The following NOVA1 variants were observed in gnomAD, a reference collection of about 807,000 sequenced individuals.
NOVA1 encodes the protein RNA-binding protein Nova-1.
In NOVA1, 7 loss-of-function variants were observed where a neutral mutation model predicts 38.0. That is an observed-to-expected ratio of 0.18 (90% CI 0.10 to 0.35). NOVA1 has a LOEUF of 0.35. Ranked by LOEUF, NOVA1 falls within the 10% of genes least tolerant of loss-of-function variation. The pLI, the probability that NOVA1 is intolerant of heterozygous loss-of-function variation, is 1.00. For synonymous variants in NOVA1, 270 were observed against 232.5 expected (o/e 1.16, Z -1.47); for missense variants, 460 against 616.0 (o/e 0.75, Z 2.68).
At position 26,445,416 on chromosome 14, in the gene NOVA1, A is replaced by C. The variant is rs1881993925; in HGVS notation, c.*2543T>G. 6.6e-6 allele frequency: 1 copy of C among 152,216 alleles called. No homozygotes were observed. The highest frequency in any genetic ancestry group is 2.4e-5 in the African/African-American group (1 of 41,456). 9.4% of individuals were successfully genotyped at this position (152,216 alleles called of 1,614,324 possible). A position where few individuals can be genotyped will look rare whatever the true frequency, so the allele number is the denominator to read the frequency against. ...CTGTCACCATAAATTAAAATGTAAT[A>C]TCTTCAATTTAGCTTTCAGTTTTAA... On this transcript the variant is annotated 3_prime_UTR_variant, in exon 5 of 5. Coordinates refer to ENST00000539517, the MANE Select transcript of NOVA1 (RefSeq NM_002515.3).
intron 2 of NOVA1, among the ~76,000 whole-genome samples, chr14:26,510,439 T>A (rs1225439633): frequency 6.6e-6 from 1 of 152,030 alleles, no homozygotes; most frequent in Non-Finnish European, 1.5e-5. Flanking sequence ...ACAACATGCA[T>A]AAAATAAAAG....
chr14:26,576,727 T>C (rs1892870335), intron 2 of NOVA1, among the ~76,000 whole-genome samples: 1 of 151,704 alleles, frequency 6.6e-6, no homozygotes, highest in Admixed American at 6.6e-5. Flanking sequence ...CAGAACTTTC[T>C]TACTCCTCTT....
intron 1 of NOVA1, chr14:26,597,052 T>C (rs1894238045): frequency 1.6e-6 from 2 of 1,226,018 alleles, no homozygotes; most frequent in Non-Finnish European, 2.0e-6. Context: ...GATAGGTCTA[T>C]TCCGAAAAAC....
rs551648128 is a variant in NOVA1 at position 26,444,480 on chromosome 14, T to A, written c.*3479A>T. On this transcript the variant is annotated 3_prime_UTR_variant, in exon 5 of 5. Transcript: ENST00000539517. ...AGGCTTGTGCATGGTGGTGTGGCAATATCATTTTAAAAGTTTGTTACAGAT... is the reference window on the plus strand; with the variant it reads ...AGGCTTGTGCATGGTGGTGTGGCAAAATCATTTTAAAAGTTTGTTACAGAT... 1.3e-5 allele frequency: 2 copies of A among 152,230 alleles called. No individual in the cohort carries two copies. The highest frequency in any genetic ancestry group is 2.4e-5 in the African/African-American group (1 of 41,544). The allele number at this position is 152,230 out of a possible 1,614,324, so 9.4% of individuals were successfully genotyped here. A position where few individuals can be genotyped will look rare whatever the true frequency, so the allele number is the denominator to read the frequency against.
intron 2 of NOVA1, among the ~76,000 whole-genome samples, chr14:26,570,304 G>A (rs1259799057): frequency 1.3e-5 from 2 of 151,948 alleles, no homozygotes; most frequent in South Asian, 2.1e-4. Context: ...CCATGATCGC[G>A]CCACTGCACT....
At chr14:26,516,906 C>CCTT (rs562773072) in intron 2 of NOVA1, among the ~76,000 whole-genome samples, 1 of 135,618 alleles carries the variant, frequency 7.4e-6, no homozygotes, top group Non-Finnish European at 1.5e-5. Flanking sequence ...GACTTTGCCT[C>CCTT]TTTTTTTTTT....
At chr14:26,453,538 TG>T (rs1042147621) in intron 4 of NOVA1, among the ~76,000 whole-genome samples, 1 of 152,154 alleles carries the variant, frequency 6.6e-6, no homozygotes, top group African/African-American at 2.4e-5. Flanking sequence ...TTTCTCTATT[TG>T]CAATCACAAA....
chr14:26,583,465 A>T (rs1893338236), intron 2 of NOVA1, among the ~76,000 whole-genome samples: 1 of 151,560 alleles, frequency 6.6e-6, no homozygotes, highest in South Asian at 2.1e-4. Flanking sequence ...ATAGCACTTA[A>T]ATAAAGATTA....
chr14:26,543,135 A>C (rs1890573947), intron 2 of NOVA1, among the ~76,000 whole-genome samples: 3 of 152,034 alleles, frequency 2.0e-5, no homozygotes, highest in African/African-American at 7.2e-5. Context: ...TGAATGCATC[A>C]AAATTTCACA....
At chr14:26,574,563 C>T (rs75762116) in intron 2 of NOVA1, among the ~76,000 whole-genome samples, 5,264 of 151,850 alleles carry the variant, frequency 0.035, 298 homozygotes, top group African/African-American at 0.12. Context: ...TTTAGGTTTC[C>T]GCTTTAAATA....
intron 2 of NOVA1, among the ~76,000 whole-genome samples, chr14:26,488,355 T>G (rs1433331408): frequency 2.0e-5 from 3 of 152,322 alleles, no homozygotes; most frequent in Admixed American, 2.0e-4. Context: ...GCAAAGTAGA[T>G]GTTGTCCAGC....
intron 2 of NOVA1, among the ~76,000 whole-genome samples, chr14:26,571,357 C>A (rs891180909): frequency 6.6e-6 from 1 of 152,014 alleles, no homozygotes; most frequent in Middle Eastern, 3.2e-3. Context: ...AGAGTACTCA[C>A]GAGAAGATAC....
intron 4 of NOVA1, among the ~76,000 whole-genome samples, chr14:26,468,845 A>G (rs1001007155): frequency 3.3e-5 from 5 of 152,212 alleles, no homozygotes; most frequent in African/African-American, 1.2e-4. Context: ...ATAAACACAT[A>G]TTTCTGAAAT....
chr14:26,538,996 C>T (rs1890283082), intron 2 of NOVA1, among the ~76,000 whole-genome samples: 1 of 152,110 alleles, frequency 6.6e-6, no homozygotes, highest in Non-Finnish European at 1.5e-5. Flanking sequence ...TCGTCCTCAT[C>T]CTTTAGAGTT....
chr14:26,579,050 ATTCT>A (rs1284316763), intron 2 of NOVA1, among the ~76,000 whole-genome samples: 2,462 of 76,270 alleles, frequency 0.032, 88 homozygotes, highest in African/African-American at 0.088. Flanking sequence ...AGCAGGTGGT[ATTCT>A]TTTTTTTTTT....
chr14:26,592,185 T>C (rs769119871), intron 2 of NOVA1, among the ~76,000 whole-genome samples: 1 of 151,556 alleles, frequency 6.6e-6, no homozygotes, highest in Non-Finnish European at 1.5e-5. Context: ...CATTAAATAA[T>C]TTTTACAGAT....
chr14:26,509,424 C>T (rs1887888849), intron 2 of NOVA1, among the ~76,000 whole-genome samples: 1 of 151,828 alleles, frequency 6.6e-6, no homozygotes, highest in Admixed American at 6.6e-5. Context: ...ATAAAATTGT[C>T]AAAAGTTAGC....
intron 2 of NOVA1, among the ~76,000 whole-genome samples, chr14:26,577,331 G>A (rs926504324): frequency 6.6e-6 from 1 of 151,798 alleles, no homozygotes; most frequent in African/African-American, 2.4e-5. Context: ...TTTCCTACAG[G>A]GTTCCCTATA....
chr14:26,482,213 T>C lies in NOVA1; in HGVS notation c.281-2070A>G, dbSNP rs186284382. ...TCACATATTAGCATCTGTGGGACAA[T>C]TGAAAATAGTTCACAGGTTCACAAT... On this transcript the variant is annotated intron_variant, in intron 2 of 4. Coordinates refer to ENST00000539517, the MANE Select transcript of NOVA1 (RefSeq NM_002515.3). 1.9e-3 allele frequency among the ~76,000 whole-genome samples: 285 copies of C among 152,192 alleles called. 2 individuals carry two copies. Among genetic ancestry groups the C allele is most frequent in the Admixed American group, 2.8e-3 (43 of 15,292 alleles).
Sources: gnomAD v4.1 joint callset for allele counts (sites outside exome capture counted in the v4.1 genomes callset) on GRCh38, gnomAD v4.1.1 for gene constraint, MANE v1.5 for transcripts, NCBI Gene and HGNC (gene_info 2026-07-23, HGNC 2026-07-21) for gene names.